TBC1D10A: variants seen among roughly 807,000 people sequenced by gnomAD.
TBC1D10A encodes EBP50-PDX interactor of 64 kDa.
In TBC1D10A, 24 loss-of-function variants were observed where a neutral mutation model predicts 52.9. That is an observed-to-expected ratio of 0.45 (90% confidence interval 0.33 to 0.64). The LOEUF (loss-of-function observed/expected upper bound fraction) is 0.64. Among genes scored for constraint, TBC1D10A ranks in the 30% least tolerant of loss-of-function variants. TBC1D10A has a pLI of 0.02. For synonymous variants in TBC1D10A, 278 were observed against 282.9 expected, an observed-to-expected ratio of 0.98 and a Z score of 0.17; for missense variants, 602 against 687.9, an observed-to-expected ratio of 0.88 and a Z score of 1.40.
At position 30,299,443 on chromosome 22, in the gene TBC1D10A, C is replaced by T. The variant is rs1183381734; in HGVS notation, c.417+1G>A. The T allele has an allele frequency of 3.1e-6, 5 of 1,613,712 alleles. No homozygotes were observed. The highest frequency in any genetic ancestry group is 4.2e-6 in the Non-Finnish European group (5 of 1,179,762). ...GGCAGGGCAAAGGAAGGGAAACTTA[C>T]GTCAAACTTTCCAGGGTTCTGCTGT... On this transcript the variant is annotated splice_donor_variant, in intron 3 of 8. Coordinates refer to ENST00000215790, the MANE Select transcript of TBC1D10A (RefSeq NM_031937.3). LOFTEE classifies it high-confidence loss of function.
intron 2 of TBC1D10A, 114 bp from the exon 3 acceptor site, chr22:30,299,665 CAG>C (rs931401017): frequency 9.0e-5 from 88 of 976,382 alleles, no homozygotes; most frequent in Non-Finnish European, 1.3e-4. Context: ...AGAGCAGAAA[CAG>C]GGAGAAAAGA....
intron 1 of TBC1D10A, among the ~76,000 whole-genome samples, chr22:30,323,838 G>A (rs887115246): frequency 1.3e-5 from 2 of 152,128 alleles, no homozygotes; most frequent in Admixed American, 1.3e-4. Flanking sequence ...GTGGTGATGG[G>A]TGCAATCTCT....
chr22:30,310,214 A>G (rs1930397549), intron 1 of TBC1D10A, among the ~76,000 whole-genome samples: 1 of 152,222 alleles, frequency 6.6e-6, no homozygotes, highest in Non-Finnish European at 1.5e-5. Flanking sequence ...TGGGGTCATA[A>G]CGCACACCTC....
chr22:30,322,752 C>T (rs1055425301), intron 1 of TBC1D10A, among the ~76,000 whole-genome samples: 1 of 151,232 alleles, frequency 6.6e-6, no homozygotes, highest in African/African-American at 2.4e-5. Flanking sequence ...CATGACACCA[C>T]ACCCAACTAA....
At chr22:30,301,042 C>T (rs1011604684) in intron 2 of TBC1D10A, among the ~76,000 whole-genome samples, 6 of 152,106 alleles carry the variant, frequency 3.9e-5, no homozygotes, top group African/African-American at 1.2e-4. Flanking sequence ...GGGGAAAATT[C>T]GTGGGGGAAA....
At chr22:30,298,011 C>T (rs1043764367) in intron 3 of TBC1D10A, 1 of 152,358 alleles carries the variant, frequency 6.6e-6, no homozygotes, top group Non-Finnish European at 1.5e-5. Flanking sequence ...TCCACCTCCT[C>T]ACACAAGCAA....
chr22:30,301,191 A>G (rs1158619118), intron 2 of TBC1D10A, among the ~76,000 whole-genome samples: 4 of 152,094 alleles, frequency 2.6e-5, no homozygotes, highest in Non-Finnish European at 4.4e-5. Context: ...TGGGCTTGGG[A>G]CCAGAATGAG....
rs758359779 is a variant in TBC1D10A, at chr22:30,294,004, A to G, written c.812T>C (p.Met271Thr). 5 of 1,614,062 alleles carry G rather than the reference A, an allele frequency of 3.1e-6. No individual in the cohort carries two copies. Among genetic ancestry groups the G allele is most frequent in the East Asian group, 4.5e-5 (2 of 44,894 alleles). ...SRQKIDPLLY[M>T]TEWFMCAFSR... ...GAAGGCGCACATGAACCATTCTGTC[A>G]TATAGAGGAGCGGGTCGATCTTCTG... is the stretch of plus-strand genomic sequence containing the variant. Residue 271 changes from methionine to threonine, a missense_variant, in exon 7 of 9, where the codon ATG (methionine) becomes ACG (threonine). Met to Thr is a moderately conservative substitution (Grantham distance 81). Transcript: ENST00000215790.
At chr22:30,295,587 C>T in intron 4 of TBC1D10A, 150 bp downstream of exon 4, 2 of 691,170 alleles carry the variant, frequency 2.9e-6, no homozygotes, top group South Asian at 3.6e-5. Flanking sequence ...GCTGAGAACA[C>T]ACATCAGACT....
chr22:30,308,978 C>G (rs1158522480), intron 1 of TBC1D10A, among the ~76,000 whole-genome samples: 1 of 152,200 alleles, frequency 6.6e-6, no homozygotes, highest in East Asian at 1.9e-4. Flanking sequence ...CCAGGGCTTC[C>G]CCTCTGTCAC....
chr22:30,292,878 G>A (rs1929982298), intron 8 of TBC1D10A, 27 bp from the exon 9 acceptor site: 1 of 1,608,384 alleles, frequency 6.2e-7, no homozygotes, highest in South Asian at 1.1e-5. Context: ...ACAGGCAAGT[G>A]GACACCAAGA....
At chr22:30,304,159 C>T (rs1930263620) in intron 2 of TBC1D10A, among the ~76,000 whole-genome samples, 1 of 152,216 alleles carries the variant, frequency 6.6e-6, no homozygotes, top group Non-Finnish European at 1.5e-5. Context: ...AAGTGCCAAG[C>T]ACAAAGCAAA....
intron 1 of TBC1D10A, among the ~76,000 whole-genome samples, chr22:30,310,764 C>G (rs1448644086): frequency 6.6e-6 from 1 of 152,148 alleles, no homozygotes; most frequent in Non-Finnish European, 1.5e-5. Flanking sequence ...GAGTAATATG[C>G]CCAAGGTTAC....
chr22:30,299,265 A>C (rs1208477093), intron 3 of TBC1D10A, 179 bp downstream of exon 3: 2 of 604,788 alleles, frequency 3.3e-6, no homozygotes, highest in Non-Finnish European at 5.9e-6. Flanking sequence ...TCCAGGAGAC[A>C]CAGGTACCCA....
At chr22:30,324,065 T>C (rs887084298) in intron 1 of TBC1D10A, among the ~76,000 whole-genome samples, 1 of 152,182 alleles carries the variant, frequency 6.6e-6, no homozygotes, top group Non-Finnish European at 1.5e-5. Flanking sequence ...GCCTGTGACC[T>C]GCTTTCTTAC....
rs1930783146 is a variant in TBC1D10A, at chr22:30,326,676, C to A, written c.206G>T (p.Gly69Val). The A allele has an allele frequency of 6.4e-7, 1 of 1,551,152 alleles. No individual in the cohort carries two copies. The highest frequency in any genetic ancestry group is 1.4e-5 in the African/African-American group (1 of 70,612). The change falls in exon 1 of 9, where the codon GGC becomes GTC. Residue 69 changes from glycine (G) to valine (V), a missense_variant. Gly to Val is a moderately radical substitution (Grantham distance 109). Transcript: ENST00000215790. ...GFIVGSQGAE[G>V]ALEEVPLEVL... ...CCCGACCCCCGGCGCTACTCACGCG[C>A]CCTCGGCGCCCTGCGAGCCCACGAT...
intron 8 of TBC1D10A, 111 bp from the exon 9 acceptor site, chr22:30,292,962 A>G (rs1438585497): frequency 8.3e-7 from 1 of 1,201,072 alleles, no homozygotes; most frequent in Non-Finnish European, 1.2e-6. Context: ...TTGGCCACTA[A>G]ACACTGACCC....
intron 1 of TBC1D10A, among the ~76,000 whole-genome samples, chr22:30,309,021 G>C (rs867332441): frequency 1.1e-3 from 168 of 152,300 alleles, no homozygotes; most frequent in African/African-American, 3.9e-3. Flanking sequence ...GTTCCCTGGG[G>C]AAGGCTGTGG....
intron 2 of TBC1D10A, among the ~76,000 whole-genome samples, chr22:30,304,045 A>C (rs1930261227): frequency 6.6e-6 from 1 of 152,206 alleles, no homozygotes; most frequent in Admixed American, 6.5e-5. Context: ...GGCAGGTGCT[A>C]AAGGTACACT....
Sources: allele counts gnomAD v4.1 joint callset (sites outside exome capture counted in the v4.1 genomes callset), GRCh38; gene constraint gnomAD v4.1.1; transcripts MANE v1.5; gene names NCBI Gene and HGNC (gene_info 2026-07-23, HGNC 2026-07-21).